Variants in PON3 observed in about 807,000 individuals in gnomAD.
PON3 encodes the protein serum paraoxonase/lactonase 3.
In PON3, 37 loss-of-function variants were observed where a neutral mutation model predicts 36.3. That is an observed-to-expected ratio of 1.02 (90% confidence interval 0.78 to 1.34). PON3 has a LOEUF of 1.34. Ranked by LOEUF, PON3 falls within the 40% of genes most tolerant of loss-of-function variation. The pLI is 0.00. For missense variants in PON3, 415 were observed against 426.5 expected, an observed-to-expected ratio of 0.97 and a Z score of 0.24; for synonymous variants, 155 against 154.8, an observed-to-expected ratio of 1.00 and a Z score of -0.01.
At chr7:95,391,943 A>G (rs747788923) in intron 2 of PON3, among the ~76,000 whole-genome samples, 11 of 152,238 alleles carry the variant, frequency 7.2e-5, no homozygotes, top group South Asian at 2.1e-4. Context: ...GTAAAAAGGC[A>G]TAGAAGGAAA....
intron 2 of PON3, among the ~76,000 whole-genome samples, chr7:95,391,831 T>C (rs183743961): frequency 1.2e-4 from 18 of 152,348 alleles, no homozygotes; most frequent in Admixed American, 1.1e-3. Flanking sequence ...GCTGTTTGCA[T>C]CTCAGATTTT....
chr7:95,378,146 G>A (rs975742588), intron 3 of PON3, among the ~76,000 whole-genome samples: 1 of 152,148 alleles, frequency 6.6e-6, no homozygotes, highest in Non-Finnish European at 1.5e-5. Flanking sequence ...TCAAGTGGAA[G>A]AAAGGATATC....
intron 3 of PON3, among the ~76,000 whole-genome samples, chr7:95,375,269 T>C (rs1161312994): frequency 2.0e-5 from 3 of 151,116 alleles, no homozygotes; most frequent in Non-Finnish European, 2.9e-5. Context: ...TATATATGTA[T>C]GTGTGTATAT....
chr7:95,365,532 T>C (rs1808671560), intron 5 of PON3: 1 of 152,290 alleles, frequency 6.6e-6, no homozygotes, highest in African/African-American at 2.4e-5. Context: ...CGCTGATTAC[T>C]GGAGGATAAG....
At chr7:95,369,470 T>TA (rs199893683) in intron 4 of PON3, among the ~76,000 whole-genome samples, 5 of 149,592 alleles carry the variant, frequency 3.3e-5, no homozygotes, top group South Asian at 2.1e-4. Context: ...CTTTAACATT[T>TA]AAAAAAAAAA....
At chr7:95,391,883 TA>T (rs1249757390) in intron 2 of PON3, among the ~76,000 whole-genome samples, 1 of 152,154 alleles carries the variant, frequency 6.6e-6, no homozygotes, top group Non-Finnish European at 1.5e-5. Flanking sequence ...GCTTCCAAAA[TA>T]AAAAATGTGT....
intron 3 of PON3, among the ~76,000 whole-genome samples, chr7:95,387,117 T>C (rs1274208582): frequency 2.6e-5 from 4 of 152,158 alleles, no homozygotes; most frequent in Non-Finnish European, 5.9e-5. Context: ...TTCAACATAG[T>C]ATTGGAAATT....
At chr7:95,389,772 T>C (rs897414295) in intron 3 of PON3, among the ~76,000 whole-genome samples, 1 of 152,076 alleles carries the variant, frequency 6.6e-6, no homozygotes, top group Admixed American at 6.6e-5. Context: ...GCAGACATGG[T>C]GAGAGGAATA....
chr7:95,375,572 C>T lies in PON3; in HGVS notation c.202-3234G>A, dbSNP rs561856844. Among the ~76,000 whole-genome samples, 82 of 152,152 alleles carry T rather than the reference C, an allele frequency of 5.4e-4. No individual in the cohort carries two copies. The Middle Eastern group carries it at 0.014, about 25-fold the overall frequency. On this transcript the variant is annotated intron_variant, in intron 3 of 8. Coordinates refer to ENST00000265627, the MANE Select transcript of PON3 (RefSeq NM_000940.3). ...CTCAGGAAGGCAGCTCAAGACAGAA[C>T]ACAATGGCAAGTACCTTGGTAGCTT...
intron 3 of PON3, among the ~76,000 whole-genome samples, chr7:95,382,743 G>C (rs1201786210): frequency 6.6e-6 from 1 of 152,192 alleles, no homozygotes; most frequent in Non-Finnish European, 1.5e-5. Context: ...TCCAGGATCA[G>C]ATGGATTCAC....
At chr7:95,384,675 A>G (rs1041937474) in intron 3 of PON3, among the ~76,000 whole-genome samples, 2 of 152,192 alleles carry the variant, frequency 1.3e-5, no homozygotes, top group Non-Finnish European at 2.9e-5. Context: ...AGTTAGAATG[A>G]CGATCATTAA....
chr7:95,386,632 G>C (rs1267641318), intron 3 of PON3, among the ~76,000 whole-genome samples: 2 of 152,278 alleles, frequency 1.3e-5, no homozygotes, highest in East Asian at 3.9e-4. Context: ...CTCATTTTAT[G>C]AGGCTAGCAT....
chr7:95,388,405 GT>G (rs1000452747), intron 3 of PON3, among the ~76,000 whole-genome samples: 1 of 152,208 alleles, frequency 6.6e-6, no homozygotes, highest in Non-Finnish European at 1.5e-5. Context: ...TCTCATGCCA[GT>G]TAGAATGGCA....
intron 3 of PON3, among the ~76,000 whole-genome samples, chr7:95,376,457 T>G (rs1243971628): frequency 6.6e-6 from 1 of 152,204 alleles, no homozygotes; most frequent in Non-Finnish European, 1.5e-5. Context: ...CCTGAATTTA[T>G]TACAGTGCAG....
At chr7:95,386,524 T>C (rs10953145) in intron 3 of PON3, among the ~76,000 whole-genome samples, 66,920 of 151,902 alleles carry the variant, frequency 0.44, 15,773 homozygotes, top group East Asian at 0.74. Flanking sequence ...CAGGACCAGA[T>C]GGATTCACAG....
In PON3 at chr7:95,396,291, C is replaced by T; in HGVS notation, c.60G>A (p.Met20Ile). 1 of 1,614,070 alleles carries T rather than the reference C, an allele frequency of 6.2e-7. No individual in the cohort carries two copies. The highest frequency in any genetic ancestry group is 8.5e-7 in the Non-Finnish European group (1 of 1,179,990). The change falls in exon 1 of 9, where the codon ATG (methionine) becomes ATA (isoleucine). Residue 20 changes from methionine (M) to isoleucine (I), a missense_variant. Coordinates refer to ENST00000265627, the MANE Select transcript of PON3 (RefSeq NM_000940.3). Reference protein sequence around the residue: ...LGVGLSLVGEMFLAFRERVNA... With the variant: ...LGVGLSLVGEIFLAFRERVNA... ...ATGCCACTCACCTAAACGCCAGGAA[C>T]ATCTCCCCGACTAAGGACAGGCCGA...
chr7:95,384,300 A>G (rs1398860766), intron 3 of PON3, among the ~76,000 whole-genome samples: 1 of 152,220 alleles, frequency 6.6e-6, no homozygotes, highest in Non-Finnish European at 1.5e-5. Context: ...ATGGGCAAAG[A>G]CTTCATGACT....
At chr7:95,388,545 T>C (rs1009939343) in intron 3 of PON3, among the ~76,000 whole-genome samples, 24 of 152,036 alleles carry the variant, frequency 1.6e-4, no homozygotes, top group Admixed American at 3.3e-4. Context: ...TCCTCAAGGG[T>C]CTAGCACTAG....
At position 95,363,949 on chromosome 7, in the gene PON3, A is replaced by T. The variant is rs17880470; in HGVS notation, c.609T>A (p.Tyr203Ter). ...CCTCCCTTGGGCTGTAGAAAAGAAC[A>T]TAAGTCCAGCGAAGATCCAAGATCA... is the stretch of plus-strand genomic sequence containing the variant. ...FEMILDLRWT[Y>*]VLFYSPREVK... is the part of the protein sequence containing the mutation. The change falls in exon 6 of 9, where the codon TAT becomes TAA. Residue 203 changes from tyrosine to a stop codon, truncating the protein, a stop_gained. Transcript: ENST00000265627. LOFTEE classifies it high-confidence loss of function. The T allele has an allele frequency of 6.2e-7, 1 of 1,613,926 alleles. No individual in the cohort carries two copies.
Sources: allele counts gnomAD v4.1 joint callset (sites outside exome capture counted in the v4.1 genomes callset), GRCh38; gene constraint gnomAD v4.1.1; transcripts MANE v1.5; gene names NCBI Gene and HGNC (gene_info 2026-07-23, HGNC 2026-07-21).